CERK: variants seen among roughly 807,000 people sequenced by gnomAD.
The protein encoded by CERK is ceramide kinase.
Under a neutral mutation model 63.4 loss-of-function variants are expected in CERK, and 39 were observed. That is an observed-to-expected ratio of 0.61 (90% CI 0.48 to 0.80). The LOEUF is 0.80. Among genes scored for constraint, CERK ranks in the 30% least tolerant of loss-of-function variants. The probability of loss-of-function intolerance (pLI) is 0.00; values close to 1 mark genes in which losing one functional copy is unlikely to be tolerated. For synonymous variants in CERK, 302 were observed against 280.0 expected, an observed-to-expected ratio of 1.08 and a Z score of -0.78; for missense variants, 670 against 714.1, an observed-to-expected ratio of 0.94 and a Z score of 0.70.
intron 6 of CERK, among the ~76,000 whole-genome samples, chr22:46,707,519 G>C (rs921999261): frequency 2.6e-5 from 4 of 152,136 alleles, no homozygotes; most frequent in Non-Finnish European, 5.9e-5. Context: ...ACTTCTTCCA[G>C]AACGCACCCC....
chr22:46,712,414 A>AGC, intron 3 of CERK, 121 bp from the exon 4 acceptor site: 1 of 819,490 alleles, frequency 1.2e-6, no homozygotes, highest in Non-Finnish European at 1.9e-6. Flanking sequence ...CCTGATGGAA[A>AGC]GTATTTTTAA....
At chr22:46,701,881 C>T (rs905558309) in intron 6 of CERK, among the ~76,000 whole-genome samples, 171 bp from the exon 7 acceptor site, 1 of 152,122 alleles carries the variant, frequency 6.6e-6, no homozygotes, top group Non-Finnish European at 1.5e-5. Context: ...AGCGTTGATT[C>T]CTCAAGAATA....
intron 1 of CERK, among the ~76,000 whole-genome samples, chr22:46,727,525 G>T (rs561525466): frequency 1.3e-5 from 2 of 150,978 alleles, no homozygotes; most frequent in East Asian, 3.9e-4. Context: ...CTAACTCCTG[G>T]GCTCAAGCGA....
chr22:46,701,581 TG>T (rs57459614), intron 7 of CERK, 54 bp downstream of exon 7: 73,440 of 1,460,300 alleles, frequency 0.05, 4,762 homozygotes, highest in East Asian at 0.34. Context: ...GGGACAGGCC[TG>T]GGGGCGCAGG....
chr22:46,698,493 C>T (rs135680), intron 8 of CERK, among the ~76,000 whole-genome samples: 132,201 of 152,316 alleles, frequency 0.87, 57,887 homozygotes, highest in African/African-American at 0.97. Context: ...TAAAGGATAC[C>T]TGTGCCTGAA....
chr22:46,713,253 C>T (rs977119665), intron 3 of CERK, among the ~76,000 whole-genome samples: 9 of 152,012 alleles, frequency 5.9e-5, no homozygotes, highest in East Asian at 5.8e-4. Flanking sequence ...GCCTGTAATC[C>T]CAGCACTTTG....
At chr22:46,697,775 G>A (rs759646245) in intron 8 of CERK, among the ~76,000 whole-genome samples, 2 of 152,216 alleles carry the variant, frequency 1.3e-5, no homozygotes, top group Admixed American at 6.5e-5. Flanking sequence ...AAAGTGCTGG[G>A]ATTACAGGCG....
intron 3 of CERK, among the ~76,000 whole-genome samples, chr22:46,719,584 A>G (rs2082882124): frequency 6.6e-6 from 1 of 152,198 alleles, no homozygotes; most frequent in Non-Finnish European, 1.5e-5. Context: ...AGGCAGAAGA[A>G]TCACTTGAAC....
intron 6 of CERK, among the ~76,000 whole-genome samples, chr22:46,705,436 C>G (rs2082808300): frequency 1.3e-5 from 2 of 152,160 alleles, no homozygotes; most frequent in African/African-American, 4.8e-5. Context: ...CCTTGGGAGG[C>G]CAAGGCAGGT....
At position 46,690,215 on chromosome 22, in the gene CERK, T is replaced by C; in HGVS notation, c.1333-15A>G. On this transcript the variant is annotated splice_polypyrimidine_tract_variant and intron_variant, in intron 11 of 12. Transcript: ENST00000216264. ...GTGAAGTCAAACTACCAAGAAACAG[T>C]GAGAGGGACCATTCAGCTCTAAACG... 2 of 1,610,546 alleles carry C rather than the reference T, an allele frequency of 1.2e-6. No homozygotes were observed. Among genetic ancestry groups the C allele is most frequent in the South Asian group, 2.2e-5 (2 of 90,988 alleles).
chr22:46,721,536 C>T (rs1028013292), intron 1 of CERK, among the ~76,000 whole-genome samples: 2 of 152,096 alleles, frequency 1.3e-5, no homozygotes, highest in Non-Finnish European at 2.9e-5. Context: ...TTTATTCAGC[C>T]GAGTCACCAA....
chr22:46,737,750 G>A (rs1328221175), intron 1 of CERK, among the ~76,000 whole-genome samples: 1 of 152,142 alleles, frequency 6.6e-6, no homozygotes, highest in Non-Finnish European at 1.5e-5. Flanking sequence ...CTCCCCGCGG[G>A]GATGGGGCGC....
At chr22:46,733,181 C>T (rs2082954376) in intron 1 of CERK, among the ~76,000 whole-genome samples, 1 of 142,378 alleles carries the variant, frequency 7.0e-6, no homozygotes, top group East Asian at 2.0e-4. Context: ...GCACTCCAGC[C>T]CTGGGCGACA....
intron 8 of CERK, among the ~76,000 whole-genome samples, chr22:46,698,454 A>G (rs2082767152): frequency 6.6e-6 from 1 of 152,276 alleles, no homozygotes; most frequent in Non-Finnish European, 1.5e-5. Context: ...TGTAACCCCA[A>G]CAAAACCACG....
At chr22:46,707,756 T>G (rs2082820130) in intron 6 of CERK, 87 bp downstream of exon 6, 1 of 1,440,798 alleles carries the variant, frequency 6.9e-7, no homozygotes, top group Non-Finnish European at 9.5e-7. Context: ...ATAATTGGGT[T>G]ATTAAGTGTC....
chr22:46,733,728 A>C (rs1327987346), intron 1 of CERK, among the ~76,000 whole-genome samples: 1 of 152,010 alleles, frequency 6.6e-6, no homozygotes, highest in Non-Finnish European at 1.5e-5. Flanking sequence ...CCAATATTAT[A>C]AACTGTCCTC....
At position 46,687,091 on chromosome 22, in the gene CERK, T is replaced by C. The variant is rs2082705428; in HGVS notation, c.*43A>G. On this transcript the variant is annotated 3_prime_UTR_variant, in exon 13 of 13. Coordinates refer to ENST00000216264, the MANE Select transcript of CERK (RefSeq NM_022766.6). ...ATTGGTCTGTAATAATTATCTTAAA[T>C]AGTTTTCACACTTTCCCAGTTTGTG... 1 of 1,514,420 alleles carries C rather than the reference T, an allele frequency of 6.6e-7. No homozygotes were observed. Among genetic ancestry groups the C allele is most frequent in the African/African-American group, 1.4e-5 (1 of 72,878 alleles). The allele number at this position is 1,514,420 out of a possible 1,614,324, so 93.8% of individuals were successfully genotyped here.
At chr22:46,687,622 G>A (rs943514284) in intron 12 of CERK, among the ~76,000 whole-genome samples, 1 of 148,236 alleles carries the variant, frequency 6.7e-6, no homozygotes, top group African/African-American at 2.5e-5. Flanking sequence ...TACTGAGCGC[G>A]CAAGGCCTGC....
intron 8 of CERK, among the ~76,000 whole-genome samples, chr22:46,696,654 C>G (rs2082757993): frequency 6.6e-6 from 1 of 152,240 alleles, no homozygotes; most frequent in Non-Finnish European, 1.5e-5. Flanking sequence ...CTGTGCTGCT[C>G]CAGAACAACC....
Sources: allele counts gnomAD v4.1 joint callset (sites outside exome capture counted in the v4.1 genomes callset), GRCh38; gene constraint gnomAD v4.1.1; transcripts MANE v1.5; gene names NCBI Gene and HGNC (gene_info 2026-07-23, HGNC 2026-07-21).